ZHX2: variants seen among roughly 807,000 people sequenced by gnomAD.
ZHX2 encodes the protein zinc fingers and homeoboxes protein 2.
A neutral mutation model predicts 21.9 loss-of-function variants in ZHX2; 6 were observed. That is an observed-to-expected ratio of 0.27 (90% CI 0.15 to 0.54). The LOEUF is 0.54. Ranked by LOEUF, ZHX2 falls within the 20% of genes least tolerant of loss-of-function variation. ZHX2 has a pLI of 0.95. For synonymous variants in ZHX2, 434 were observed against 437.1 expected, an observed-to-expected ratio of 0.99 and a Z score of 0.09; for missense variants, 908 against 1,090.7, an observed-to-expected ratio of 0.83 and a Z score of 2.36.
At chr8:122,780,901 AG>A (rs1586567187), upstream of ZHX2, 2 of 152,172 alleles carry the variant, frequency 1.3e-5, no homozygotes, top group African/African-American at 4.8e-5. Context: ...AAGGGAAAAA[AG>A]TTTGAAGATC....
At chr8:122,787,536 G>A (rs779267171) in intron 1 of ZHX2, among the ~76,000 whole-genome samples, 2 of 152,206 alleles carry the variant, frequency 1.3e-5, no homozygotes, top group Non-Finnish European at 2.9e-5. Context: ...GGAAGCCCAC[G>A]CTGAGTTTAT....
chr8:122,852,992 T>A (rs1460326551), intron 1 of ZHX2, among the ~76,000 whole-genome samples: 2 of 152,096 alleles, frequency 1.3e-5, no homozygotes, highest in African/African-American at 4.8e-5. Context: ...AAATCCTGTG[T>A]GCAGAGCCAA....
chr8:122,939,250 C>T (rs1812781837), intron 2 of ZHX2, among the ~76,000 whole-genome samples: 1 of 152,212 alleles, frequency 6.6e-6, no homozygotes, highest in Admixed American at 6.5e-5. Context: ...ATTGGTGGAA[C>T]ATGTCCAGGG....
At chr8:122,937,268 A>T (rs766299463) in intron 2 of ZHX2, among the ~76,000 whole-genome samples, 2 of 152,258 alleles carry the variant, frequency 1.3e-5, no homozygotes, top group African/African-American at 2.4e-5. Flanking sequence ...AGACTCCAGG[A>T]TGGGGAAGAA....
chr8:122,884,168 T>C (rs1242765863), intron 2 of ZHX2, among the ~76,000 whole-genome samples: 1 of 152,194 alleles, frequency 6.6e-6, no homozygotes, highest in Non-Finnish European at 1.5e-5. Context: ...CTAAATATTT[T>C]AAAAGTACAG....
chr8:122,858,136 C>T (rs1819073162), intron 1 of ZHX2, among the ~76,000 whole-genome samples: 2 of 152,188 alleles, frequency 1.3e-5, no homozygotes, highest in Admixed American at 6.5e-5. Flanking sequence ...TGAGCTTGAC[C>T]TTGCTCTTAT....
At chr8:122,835,708 A>C (rs752215650) in intron 1 of ZHX2, among the ~76,000 whole-genome samples, 2 of 152,210 alleles carry the variant, frequency 1.3e-5, no homozygotes, top group Non-Finnish European at 2.9e-5. Flanking sequence ...CAGGGTGGCA[A>C]GAATGGAGAA....
intron 1 of ZHX2, among the ~76,000 whole-genome samples, chr8:122,832,759 G>A (rs1056895960): frequency 6.6e-6 from 1 of 152,132 alleles, no homozygotes; most frequent in Admixed American, 6.5e-5. Flanking sequence ...ATATGCGGTC[G>A]GTTGTGAGCC....
chr8:122,864,110 C>T (rs1160914286), intron 2 of ZHX2, among the ~76,000 whole-genome samples: 1 of 150,384 alleles, frequency 6.6e-6, no homozygotes, highest in Non-Finnish European at 1.5e-5. Flanking sequence ...TGGCAGAATT[C>T]AAGCAGAGGT....
At chr8:122,968,599 G>A (rs943585646) in intron 3 of ZHX2, among the ~76,000 whole-genome samples, 6 of 152,158 alleles carry the variant, frequency 3.9e-5, no homozygotes, top group African/African-American at 7.2e-5. Flanking sequence ...AGCACTTTGG[G>A]AGGCCAAGGC....
intron 1 of ZHX2, among the ~76,000 whole-genome samples, chr8:122,863,149 C>T (rs927193906): frequency 6.6e-6 from 1 of 152,078 alleles, no homozygotes. Context: ...GGGACTCTGA[C>T]TGAGGTTAAA....
intron 2 of ZHX2, among the ~76,000 whole-genome samples, chr8:122,867,799 C>T (rs1819334954): frequency 1.3e-5 from 2 of 152,168 alleles, no homozygotes; most frequent in South Asian, 2.1e-4. Flanking sequence ...TATTTCTTTT[C>T]CCCCGTACCA....
chr8:122,838,872 G>A (rs1818563879), intron 1 of ZHX2, among the ~76,000 whole-genome samples: 1 of 152,048 alleles, frequency 6.6e-6, no homozygotes, highest in Non-Finnish European at 1.5e-5. Flanking sequence ...ACCATGCCTG[G>A]CCAATGTGAT....
chr8:122,797,927 C>T (rs745850161), intron 1 of ZHX2, among the ~76,000 whole-genome samples: 3 of 152,142 alleles, frequency 2.0e-5, no homozygotes, highest in Admixed American at 6.5e-5. Flanking sequence ...CGTGCCAGGC[C>T]GATTCTCAGA....
intron 1 of ZHX2, among the ~76,000 whole-genome samples, chr8:122,843,049 C>G (rs1409384645): frequency 6.6e-6 from 1 of 152,208 alleles, no homozygotes; most frequent in Non-Finnish European, 1.5e-5. Flanking sequence ...GCCCAACTAG[C>G]AAACCATCAA....
chr8:122,943,214 A>T (rs1463530511), intron 2 of ZHX2, among the ~76,000 whole-genome samples: 1 of 152,120 alleles, frequency 6.6e-6, no homozygotes, highest in Non-Finnish European at 1.5e-5. Context: ...GTGAGCCAAG[A>T]TCGCACCACT....
At chr8:122,927,310 C>T (rs575959288) in intron 2 of ZHX2, among the ~76,000 whole-genome samples, 9 of 152,280 alleles carry the variant, frequency 5.9e-5, no homozygotes, top group African/African-American at 2.2e-4. Flanking sequence ...GCCTGGCCAA[C>T]ATGGTGAAAC....
intron 1 of ZHX2, among the ~76,000 whole-genome samples, chr8:122,833,263 A>C (rs1818418748): frequency 6.6e-6 from 1 of 152,212 alleles, no homozygotes; most frequent in South Asian, 2.1e-4. Context: ...GGGGTCCTGG[A>C]CTAAGCATTA....
chr8:122,808,308 A>G (rs1817861376), intron 1 of ZHX2, among the ~76,000 whole-genome samples: 2 of 152,158 alleles, frequency 1.3e-5, no homozygotes, highest in African/African-American at 4.8e-5. Context: ...GTAATTTATA[A>G]AGGAAAGAGG....
Sources: gnomAD v4.1 joint callset for allele counts (sites outside exome capture counted in the v4.1 genomes callset) on GRCh38, gnomAD v4.1.1 for gene constraint, MANE v1.5 for transcripts, NCBI Gene and HGNC (gene_info 2026-07-23, HGNC 2026-07-21) for gene names.